The following FRMD8 variants were observed in gnomAD, a reference collection of about 807,000 sequenced individuals.
FRMD8 encodes FERM domain containing 8.
Under a neutral mutation model 54.2 loss-of-function variants are expected in FRMD8, and 37 were observed. That is an observed-to-expected ratio of 0.68 (90% CI 0.53 to 0.90). The LOEUF (loss-of-function observed/expected upper bound fraction) is 0.90. FRMD8 is among the 40% of genes least tolerant of loss of function. FRMD8 has a pLI of 0.00. For missense variants in FRMD8, 585 were observed against 653.7 expected (o/e 0.89, Z 1.15); for synonymous variants, 246 against 286.9 (o/e 0.86, Z 1.44).
At chr11:65,370,738 A>G in the FRMD8 span, among the ~76,000 whole-genome samples, 11 of 151,378 alleles carry the variant, frequency 7.3e-5, no homozygotes, top group South Asian at 8.3e-4. Context: ...CAGATCTGAG[A>G]CAGGACCAGG....
chr11:65,410,738 C>T (rs953341316), intron 10 of FRMD8, among the ~76,000 whole-genome samples: 2 of 151,982 alleles, frequency 1.3e-5, no homozygotes, highest in African/African-American at 4.8e-5. Context: ...TGCAGTGAGC[C>T]GAGATAGTGC....
the FRMD8 span, among the ~76,000 whole-genome samples, chr11:65,373,253 G>A: frequency 6.6e-6 from 1 of 152,154 alleles, no homozygotes; most frequent in Non-Finnish European, 1.5e-5. Context: ...AAAAAAAAGG[G>A]ATCACAGAGG....
At chr11:65,380,503 G>A in the FRMD8 span, 53 of 1,382,250 alleles carry the variant, frequency 3.8e-5, no homozygotes, top group South Asian at 5.8e-4. Context: ...TATGAGCCGC[G>A]GGACTCTGGG....
At chr11:65,393,891 G>T in intron 4 of FRMD8, 150 bp from the exon 5 acceptor site, 1 of 853,798 alleles carries the variant, frequency 1.2e-6, no homozygotes, top group Non-Finnish European at 1.9e-6. Context: ...GGGGCACGTT[G>T]GGATGAGCTG....
At chr11:65,376,324 GCAAGCTTTCAACCTGGCCTC>G in the FRMD8 span, 10 of 1,509,820 alleles carry the variant, frequency 6.6e-6, no homozygotes, top group Non-Finnish European at 9.0e-6. Flanking sequence ...GCACTGATTT[GCAAGCTTTCAACCTGGCCTC>G]CAATCTCAAA....
At position 65,393,216 on chromosome 11, in the gene FRMD8, T is replaced by C. The variant is rs1855877626; in HGVS notation, c.254-357T>C. Among the ~76,000 whole-genome samples the C allele has an allele frequency of 2.6e-5, 4 of 152,202 alleles. No homozygotes were observed. The South Asian group carries it at 8.3e-4, about 31-fold the overall frequency. On this transcript the variant is annotated intron_variant, in intron 3 of 10. Coordinates refer to ENST00000317568, the MANE Select transcript of FRMD8 (RefSeq NM_031904.5). ...TGGGCCCCAGTTGTCAATTTCCAGT[T>C]CTGCTTCCTGATGGCACTGAGGGTT...
the FRMD8 span, among the ~76,000 whole-genome samples, chr11:65,368,419 C>A: frequency 1.3e-5 from 2 of 151,960 alleles, no homozygotes; most frequent in East Asian, 3.9e-4. Context: ...CTATGTTTTC[C>A]AGGCTGGTCT....
chr11:65,388,164 C>CAAA (rs1269933120), intron 2 of FRMD8, among the ~76,000 whole-genome samples: 1 of 93,796 alleles, frequency 1.1e-5, no homozygotes, highest in Non-Finnish European at 2.3e-5. Context: ...AACTCCGTCT[C>CAAA]AAAAAAAAAA....
chr11:65,408,143 C>T (rs569791644), intron 10 of FRMD8, among the ~76,000 whole-genome samples: 4 of 147,928 alleles, frequency 2.7e-5, no homozygotes, highest in African/African-American at 5.0e-5. Flanking sequence ...GGTGCGATAT[C>T]GGCTCACCGC....
chr11:65,398,377 T>C (rs773839596), intron 7 of FRMD8, among the ~76,000 whole-genome samples: 12 of 152,240 alleles, frequency 7.9e-5, no homozygotes, highest in Non-Finnish European at 1.8e-4. Context: ...ATCTGGTGTC[T>C]AGTGCAGTCT....
chr11:65,380,304 A>C, the FRMD8 span: 1 of 1,362,414 alleles, frequency 7.3e-7, no homozygotes, highest in Non-Finnish European at 1.0e-6. Context: ...ACATGCAGCC[A>C]CCTTCCTGCC....
the FRMD8 span, chr11:65,380,034 G>A: frequency 6.3e-7 from 1 of 1,582,368 alleles, no homozygotes; most frequent in Non-Finnish European, 8.7e-7. Context: ...CAGCAGGAGA[G>A]GCAGGAAAGG....
chr11:65,381,858 C>T (rs755618311), upstream of FRMD8: 71 of 1,611,012 alleles, frequency 4.4e-5, no homozygotes, highest in Non-Finnish European at 5.4e-5. Flanking sequence ...ACCCATCTTC[C>T]CGAGGAAGTG....
chr11:65,393,937 C>T, intron 4 of FRMD8, 104 bp from the exon 5 acceptor site: 3 of 1,259,390 alleles, frequency 2.4e-6, no homozygotes, highest in South Asian at 1.2e-5. Flanking sequence ...CCGGTTTTCT[C>T]AGCCCTGGTG....
chr11:65,376,246 A>G, the FRMD8 span: 3 of 885,182 alleles, frequency 3.4e-6, no homozygotes, highest in Non-Finnish European at 5.1e-6. Flanking sequence ...TCCGGCTCCC[A>G]CAGGTGTCTG....
chr11:65,403,382 C>A (rs927360424), intron 9 of FRMD8, among the ~76,000 whole-genome samples: 5 of 151,794 alleles, frequency 3.3e-5, no homozygotes, highest in Non-Finnish European at 7.4e-5. Context: ...GGGTTTTCAC[C>A]ATGTTGGCCA....
In FRMD8 at chr11:65,412,991, TTTTTTTTA is replaced by T. The variant is rs898381824; in HGVS notation, c.*1647_*1654del. On this transcript the variant is annotated 3_prime_UTR_variant, in exon 11 of 11. Coordinates refer to ENST00000317568, the MANE Select transcript of FRMD8 (RefSeq NM_031904.5). ...GCTGCTTTGATTCCAGGTGATTTTA[TTTTTTTTA>T]TTTTTTTATTTTTTTTGAGACGGAG... 2 of 152,072 alleles carry T rather than the reference TTTTTTTTA, an allele frequency of 1.3e-5. No individual in the cohort carries two copies. The highest frequency in any genetic ancestry group is 4.8e-5 in the African/African-American group (2 of 41,404). The allele number at this position is 152,072 out of a possible 1,614,324, so 9.4% of individuals were successfully genotyped here.
chr11:65,368,548 AGTTTTGTTTTGTTTT>A, the FRMD8 span, among the ~76,000 whole-genome samples: 1,625 of 150,322 alleles, frequency 0.011, 16 homozygotes, highest in Non-Finnish European at 0.016. Flanking sequence ...TGCCAGCTAG[AGTTTTGTTTTGTTTT>A]GTTTTGTTTT....
chr11:65,371,703 C>T, the FRMD8 span, among the ~76,000 whole-genome samples: 1 of 152,246 alleles, frequency 6.6e-6, no homozygotes, highest in South Asian at 2.1e-4. Context: ...CAACCTCCGC[C>T]TCTCTGGTTC....
Sources: gnomAD v4.1 joint callset for allele counts (sites outside exome capture counted in the v4.1 genomes callset) on GRCh38, gnomAD v4.1.1 for gene constraint, MANE v1.5 for transcripts, NCBI Gene and HGNC (gene_info 2026-07-23, HGNC 2026-07-21) for gene names.